The following HNRNPA1L2 variants were observed in gnomAD, a reference collection of about 807,000 sequenced individuals.
The protein encoded by HNRNPA1L2 is heterogeneous nuclear ribonucleoprotein A1-like 2.
A neutral mutation model predicts 18.2 loss-of-function variants in HNRNPA1L2; 10 were observed. The ratio of observed to expected loss-of-function variants is 0.55; its 90% CI spans 0.34 to 0.93. The LOEUF is 0.93. Ranked by LOEUF, HNRNPA1L2 falls within the 40% of genes least tolerant of loss-of-function variation. HNRNPA1L2 has a pLI of 0.02. For synonymous variants in HNRNPA1L2, 124 were observed against 138.6 expected (o/e 0.89, Z 0.74); for missense variants, 308 against 394.4 (o/e 0.78, Z 1.85).
chr13:52,619,460 A>C, the HNRNPA1L2 span, among the ~76,000 whole-genome samples: 1 of 152,058 alleles, frequency 6.6e-6, no homozygotes, highest in Non-Finnish European at 1.5e-5. Context: ...CTACAAGCGT[A>C]CGTTACCACG....
In HNRNPA1L2 at chr13:52,643,323, G is replaced by T. The variant is rs1397918446; in HGVS notation, c.831G>T (p.Lys277Asn). ...AGTCTTCAAATTTTGGACCCATGAA[G>T]GGAGGAAATTTTGGAGGCAGAAGCT... ...NNQSSNFGPMKGGNFGGRSSG... is the reference protein window; with the variant it reads ...NNQSSNFGPMNGGNFGGRSSG... Residue 277 changes from lysine (K) to asparagine (N), a missense_variant, in exon 1 of 1, where the codon AAG (lysine) becomes AAT (asparagine). Transcript: ENST00000357495. 2 of 1,597,442 alleles carry T rather than the reference G, an allele frequency of 1.3e-6. No individual in the cohort carries two copies. The highest frequency in any genetic ancestry group is 2.7e-5 in the African/African-American group (2 of 74,892).
chr13:52,639,892 T>G (rs7325519), upstream of HNRNPA1L2, among the ~76,000 whole-genome samples: 17,334 of 128,504 alleles, frequency 0.13, 1,285 homozygotes, highest in Admixed American at 0.2. Flanking sequence ...TTTTTTTTTT[T>G]TTTGTTTTTT....
In HNRNPA1L2 at chr13:52,643,299, G is replaced by A. The variant is rs1376856347; in HGVS notation, c.807G>A (p.Gln269=). ...ATGATTTTGGCAATTACAACAATCA[G>A]TCTTCAAATTTTGGACCCATGAAGG... ...SYNDFGNYNN[Q]SSNFGPMKGG... Residue 269 remains glutamine, a synonymous_variant, in exon 1 of 1, where the codon CAG becomes CAA. Coordinates refer to ENST00000357495, the MANE Select transcript of HNRNPA1L2 (RefSeq NM_001389320.1). 6.3e-7 allele frequency: 1 copy of A among 1,595,418 alleles called. No individual in the cohort carries two copies. The highest frequency in any genetic ancestry group is 8.5e-7 in the Non-Finnish European group (1 of 1,177,956).
At chr13:52,634,942 T>C in the HNRNPA1L2 span, among the ~76,000 whole-genome samples, 1 of 152,222 alleles carries the variant, frequency 6.6e-6, no homozygotes, top group East Asian at 1.9e-4. Flanking sequence ...ATTTAATAAA[T>C]GTTTGCAACT....
the HNRNPA1L2 span, among the ~76,000 whole-genome samples, chr13:52,627,946 C>T: frequency 2.0e-3 from 303 of 151,996 alleles, 2 homozygotes; most frequent in African/African-American, 6.7e-3. Context: ...TAGCAATCTT[C>T]AGGTCTGTTT....
upstream of HNRNPA1L2, among the ~76,000 whole-genome samples, chr13:52,637,976 T>C (rs993798465): frequency 4.6e-5 from 7 of 152,192 alleles, no homozygotes; most frequent in African/African-American, 1.7e-4. Context: ...AGTCCCAGCA[T>C]TATCAGATTC....
the HNRNPA1L2 span, among the ~76,000 whole-genome samples, chr13:52,618,380 T>C: frequency 6.6e-6 from 1 of 152,312 alleles, no homozygotes; most frequent in East Asian, 1.9e-4. Context: ...GAGTACTTTA[T>C]TGTTATGAAA....
chr13:52,625,803 G>C, the HNRNPA1L2 span, among the ~76,000 whole-genome samples: 5 of 151,894 alleles, frequency 3.3e-5, no homozygotes, highest in Non-Finnish European at 7.4e-5. Flanking sequence ...TTTGAGACAG[G>C]GTGTTGCTCT....
the HNRNPA1L2 span, among the ~76,000 whole-genome samples, chr13:52,636,663 T>C: frequency 6.6e-6 from 1 of 152,126 alleles, no homozygotes; most frequent in Non-Finnish European, 1.5e-5. Flanking sequence ...AAATAAACAG[T>C]CTAGAGTTTA....
chr13:52,643,734 T>C lies in HNRNPA1L2; in HGVS notation c.*279T>C, dbSNP rs1193285099. ...TAGATTTTTTTTTTTGCACCCATGC[T>C]GTTGATTGCTAAATGTAATAGTCTG... On this transcript the variant is annotated 3_prime_UTR_variant, in exon 1 of 1. Transcript: ENST00000357495. 4 of 495,426 alleles carry C rather than the reference T, an allele frequency of 8.1e-6. No individual in the cohort carries two copies. Among genetic ancestry groups the C allele is most frequent in the Non-Finnish European group, 1.5e-5 (4 of 274,802 alleles). The allele number at this position is 495,426 out of a possible 1,614,324, so 30.7% of individuals were successfully genotyped here.
At chr13:52,633,702 A>G in the HNRNPA1L2 span, among the ~76,000 whole-genome samples, 2 of 152,242 alleles carry the variant, frequency 1.3e-5, no homozygotes, top group East Asian at 1.9e-4. Context: ...AGTCCTAGCA[A>G]CCTGGGAGGT....
chr13:52,634,256 A>AT, the HNRNPA1L2 span, among the ~76,000 whole-genome samples: 1 of 152,178 alleles, frequency 6.6e-6, no homozygotes, highest in Non-Finnish European at 1.5e-5. Context: ...TCAGAAAGGA[A>AT]TTTTTTGTCA....
At chr13:52,618,713 T>A in the HNRNPA1L2 span, among the ~76,000 whole-genome samples, 2 of 152,310 alleles carry the variant, frequency 1.3e-5, no homozygotes, top group South Asian at 4.1e-4. Context: ...GGCATTTTAA[T>A]ATAGAAGTGT....
the HNRNPA1L2 span, among the ~76,000 whole-genome samples, chr13:52,628,511 T>C: frequency 7.9e-5 from 12 of 152,222 alleles, no homozygotes; most frequent in Non-Finnish European, 1.6e-4. Context: ...TGACTCATTT[T>C]GTTTGTGTTT....
chr13:52,642,483 CCTT>C lies in HNRNPA1L2; in HGVS notation c.-9_-7del. 6.2e-7 allele frequency: 1 copy of C among 1,611,580 alleles called. No homozygotes were observed. Among genetic ancestry groups the C allele is most frequent in the South Asian group, 1.1e-5 (1 of 90,952 alleles). On this transcript the variant is annotated 5_prime_UTR_variant, in exon 1 of 1. Coordinates refer to ENST00000357495, the MANE Select transcript of HNRNPA1L2 (RefSeq NM_001389320.1). ...GAAGCATCGTTAAAGTCTCTCTTCACCTTGCCGTCATGTCTAAGTCAGCGTCTC... is the reference window on the plus strand; with the variant it reads ...GAAGCATCGTTAAAGTCTCTCTTCACGCCGTCATGTCTAAGTCAGCGTCTC...
chr13:52,642,204 T>C, upstream of HNRNPA1L2: 1 of 434,198 alleles, frequency 2.3e-6, no homozygotes, highest in South Asian at 3.7e-5. Context: ...GATGTGGGAT[T>C]ACCACAAATG....
chr13:52,642,893 T>C lies in HNRNPA1L2; in HGVS notation c.401T>C (p.Ile134Thr). 3 of 1,596,716 alleles carry C rather than the reference T, an allele frequency of 1.9e-6. No individual in the cohort carries two copies. Among genetic ancestry groups the C allele is most frequent in the South Asian group, 1.1e-5 (1 of 90,984 alleles). ...YFEQYGKIEV[I>T]EIMTDRGSGK... ...GAACAGTATGGAAAAATTGAAGTAA[T>C]TGAAATCATGACTGACCGAGGCAGT... The change falls in exon 1 of 1, where the codon ATT (isoleucine) becomes ACT (threonine). Residue 134 changes from isoleucine to threonine, a missense_variant. By Grantham distance (89) the Ile-to-Thr change is moderately conservative. Coordinates refer to ENST00000357495, the MANE Select transcript of HNRNPA1L2 (RefSeq NM_001389320.1).
the HNRNPA1L2 span, among the ~76,000 whole-genome samples, chr13:52,623,825 G>T: frequency 6.6e-6 from 1 of 152,180 alleles, no homozygotes; most frequent in Non-Finnish European, 1.5e-5. Context: ...CACAGATTCT[G>T]TGGGTTAGCA....
At chr13:52,629,798 G>A in the HNRNPA1L2 span, among the ~76,000 whole-genome samples, 2 of 152,132 alleles carry the variant, frequency 1.3e-5, no homozygotes, top group Non-Finnish European at 2.9e-5. Context: ...CGAAAAGAAA[G>A]AAAGGCGTAG....
Sources: gnomAD v4.1 joint callset for allele counts (sites outside exome capture counted in the v4.1 genomes callset) on GRCh38, gnomAD v4.1.1 for gene constraint, MANE v1.5 for transcripts, NCBI Gene and HGNC (gene_info 2026-07-23, HGNC 2026-07-21) for gene names.